Variants in UNC80 observed in about 807,000 individuals in gnomAD.
UNC80 encodes the protein protein unc-80 homolog.
In UNC80, 164 loss-of-function variants were observed where a neutral mutation model predicts 384.6. The observed-to-expected ratio is 0.43, with a 90% CI of 0.38 to 0.49. The LOEUF (loss-of-function observed/expected upper bound fraction) is 0.49, where lower values mean the gene tolerates loss of function less well. UNC80 is among the 20% of genes least tolerant of loss of function. The pLI is 0.00. For synonymous variants in UNC80, 1,486 were observed against 1,527.8 expected, an observed-to-expected ratio of 0.97 and a Z score of 0.64; for missense variants, 3,330 against 4,143.0, an observed-to-expected ratio of 0.80 and a Z score of 5.39.
chr2:209,776,718 T>G (rs2076885695), intron 3 of UNC80, among the ~76,000 whole-genome samples: 1 of 152,264 alleles, frequency 6.6e-6, no homozygotes, highest in Admixed American at 6.5e-5. Flanking sequence ...TCTCATGAAC[T>G]GGGCATATTT....
Position 209,839,524 on chromosome 2 carries a change from A to T in UNC80, c.3250+94A>T, listed in dbSNP as rs1407770142. On this transcript the variant is annotated intron_variant, in intron 19 of 64. Coordinates refer to ENST00000673920, the MANE Select transcript of UNC80 (RefSeq NM_001371986.1). The surrounding 1 kb of genome is among the most constrained non-coding windows in gnomAD (Gnocchi z 4.1). The stretch of plus-strand genomic sequence containing the variant: ...ATGCATAGTAGGGCCGAAAAAGAAG[A>T]CCTTCAAGTCATAAGACCTAGACTG... 1 of 1,319,944 alleles carries T rather than the reference A, an allele frequency of 7.6e-7. No individual in the cohort carries two copies. The highest frequency in any genetic ancestry group is 1.5e-5 in the African/African-American group (1 of 68,144). The allele number at this position is 1,319,944 out of a possible 1,614,324, so 81.8% of individuals were successfully genotyped here.
intron 36 of UNC80, among the ~76,000 whole-genome samples, chr2:209,928,291 G>A (rs937289061): frequency 4.6e-5 from 7 of 152,036 alleles, no homozygotes; most frequent in East Asian, 3.9e-4. Flanking sequence ...AGCCGAAACC[G>A]CACCACTGCA....
At chr2:209,772,260 C>CG in intron 1 of UNC80, 96 bp downstream of exon 1, 1 of 533,210 alleles carries the variant, frequency 1.9e-6, no homozygotes, top group Non-Finnish European at 2.8e-6. Flanking sequence ...GCTGAGGCCG[C>CG]GCCACAGCCT....
At chr2:209,856,845 T>C (rs1365599684) in intron 22 of UNC80, among the ~76,000 whole-genome samples, 3 of 152,046 alleles carry the variant, frequency 2.0e-5, no homozygotes, top group African/African-American at 4.8e-5. Context: ...TGGAGTGCAG[T>C]GGCATGATCT....
chr2:209,868,700 A>G (rs2084040789), intron 22 of UNC80, among the ~76,000 whole-genome samples: 1 of 152,214 alleles, frequency 6.6e-6, no homozygotes, highest in African/African-American at 2.4e-5. Context: ...CTGTGCAATG[A>G]CATTCATTAG....
At position 209,979,171 on chromosome 2, in the gene UNC80, C is replaced by G. The variant is rs568299985; in HGVS notation, c.9118+463C>G. On this transcript the variant is annotated intron_variant, in intron 59 of 64. Transcript: ENST00000673920. ...GGCTGAGGCATGGGAACCACTTGAA[C>G]CCGGGAGGCAGAGGTTGCAGTGAGC... 7.9e-5 allele frequency among the ~76,000 whole-genome samples: 12 copies of G among 152,312 alleles called. No individual in the cohort carries two copies. In the South Asian group the frequency reaches 2.5e-3, roughly 32 times the overall value.
At chr2:209,838,730 G>A (rs958954639) in intron 18 of UNC80, among the ~76,000 whole-genome samples, 1 of 152,122 alleles carries the variant, frequency 6.6e-6, no homozygotes, top group Non-Finnish European at 1.5e-5. Flanking sequence ...GGCAGGCTGA[G>A]GCAGACGGAT....
intron 26 of UNC80, 109 bp downstream of exon 26, chr2:209,888,369 A>G (rs1365797200): frequency 8.7e-7 from 1 of 1,151,254 alleles, no homozygotes; most frequent in African/African-American, 1.6e-5. Context: ...TTGACTTCCT[A>G]CAATACTGAC....
At chr2:209,776,558 G>A (rs1004955609) in intron 3 of UNC80, among the ~76,000 whole-genome samples, 2 of 152,308 alleles carry the variant, frequency 1.3e-5, no homozygotes, top group African/African-American at 2.4e-5. Flanking sequence ...TCCAGCCTAG[G>A]TGACAAAGTG....
chr2:209,989,159 C>A (rs138494632), intron 61 of UNC80, among the ~76,000 whole-genome samples: 13 of 140,720 alleles, frequency 9.2e-5, no homozygotes, highest in South Asian at 4.5e-4. Flanking sequence ...CAAAAAATAC[C>A]AAAAAAAAAA....
At chr2:209,931,597 T>G (rs2090879855) in intron 38 of UNC80, among the ~76,000 whole-genome samples, 1 of 152,178 alleles carries the variant, frequency 6.6e-6, no homozygotes, top group Non-Finnish European at 1.5e-5. Flanking sequence ...ACCTGATGAC[T>G]ACACCTTGAA....
rs2091476903 is a variant in UNC80, at chr2:209,939,472, G to T, written c.6466G>T (p.Val2156Leu). ...EKGQELIQKQVFTRKLEEVGR... is the reference protein window; with the variant it reads ...EKGQELIQKQLFTRKLEEVGR... ...CTGCTCCTGCTTTTGTTTTCTCCAG[G>T]TGTTCACCCGAAAGCTGGAAGAAGT... The change falls in exon 43 of 65, where the codon GTG becomes TTG. Residue 2156 changes from valine to leucine, a missense_variant and splice_region_variant. By Grantham distance (32) the Val-to-Leu change is conservative. Transcript: ENST00000673920. 6.5e-7 allele frequency: 1 copy of T among 1,548,260 alleles called. No homozygotes were observed.
Position 209,786,170 on chromosome 2 carries a change from C to T in UNC80, c.705C>T (p.Pro235=). 6.2e-7 allele frequency: 1 copy of T among 1,613,776 alleles called. No individual in the cohort carries two copies. ...CTGGCTTTACCGCACTGGTGAAGCCCATCAGGAACATCATTACAGGTTTGT... is the reference window on the plus strand; with the variant it reads ...CTGGCTTTACCGCACTGGTGAAGCCTATCAGGAACATCATTACAGGTTTGT... The part of the protein sequence containing the change: ...GVSGFTALVK[P]IRNIITAKRS... The change falls in exon 5 of 65, where the codon CCC becomes CCT. Residue 235 remains proline, a synonymous_variant. Transcript: ENST00000673920.
chr2:209,945,005 T>G (rs7575600), intron 45 of UNC80, 46 bp from the exon 46 acceptor site: 63,206 of 1,542,200 alleles, frequency 0.041, 4,725 homozygotes, highest in African/African-American at 0.3. Flanking sequence ...AGTTATAGTT[T>G]TACTGTGGTG....
At chr2:209,932,915 C>T (rs1261492042) in intron 38 of UNC80, among the ~76,000 whole-genome samples, 4 of 151,984 alleles carry the variant, frequency 2.6e-5, no homozygotes, top group Admixed American at 2.6e-4. Flanking sequence ...GAGGGTTGGC[C>T]CTCCTTAGGG....
intron 13 of UNC80, among the ~76,000 whole-genome samples, chr2:209,825,009 A>C (rs988159843): frequency 7.2e-5 from 11 of 152,138 alleles, no homozygotes; most frequent in Non-Finnish European, 4.4e-5. Context: ...AGGAAACAAA[A>C]ACACAAAGAG....
At chr2:209,810,716 C>T (rs754103974) in intron 7 of UNC80, among the ~76,000 whole-genome samples, 1 of 152,078 alleles carries the variant, frequency 6.6e-6, no homozygotes, top group African/African-American at 2.4e-5. Context: ...CAGAGGGTAA[C>T]GGGTGAAGAA....
At chr2:209,803,892 C>T (rs2078714848) in intron 7 of UNC80, among the ~76,000 whole-genome samples, 1 of 152,034 alleles carries the variant, frequency 6.6e-6, no homozygotes, top group Admixed American at 6.5e-5. Flanking sequence ...CCATCAAGTC[C>T]CACTATTTTT....
intron 26 of UNC80, among the ~76,000 whole-genome samples, chr2:209,892,737 A>G (rs1272943579): frequency 6.6e-6 from 1 of 152,198 alleles, no homozygotes; most frequent in Non-Finnish European, 1.5e-5. Context: ...CAAAATTTTA[A>G]TTATTTTCTG....
Sources: allele counts gnomAD v4.1 joint callset (sites outside exome capture counted in the v4.1 genomes callset), GRCh38; gene constraint gnomAD v4.1.1; non-coding constraint Gnocchi (gnomAD v3.1); transcripts MANE v1.5; gene names NCBI Gene and HGNC (gene_info 2026-07-23, HGNC 2026-07-21).